GPS1: variants seen among roughly 807,000 people sequenced by gnomAD.
GPS1 encodes G protein pathway suppressor 1, also known as COP9 signalosome complex subunit 1.
GPS1 carries 11 observed loss-of-function variants against 60.0 expected under a neutral mutation model. That is an observed-to-expected ratio of 0.18 (90% confidence interval 0.12 to 0.30). The LOEUF (loss-of-function observed/expected upper bound fraction) is 0.30. Among genes scored for constraint, GPS1 ranks in the 10% least tolerant of loss-of-function variants. GPS1 has a pLI of 1.00. For missense variants in GPS1, 543 were observed against 669.2 expected, an observed-to-expected ratio of 0.81 and a Z score of 2.08; for synonymous variants, 343 against 269.8, an observed-to-expected ratio of 1.27 and a Z score of -2.66.
chr17:82,055,034 C>A, intron 5 of GPS1, 59 bp downstream of exon 5: 2 of 1,602,868 alleles, frequency 1.2e-6, no homozygotes, highest in Non-Finnish European at 1.7e-6. Context: ...GCTGGCCCCT[C>A]CTGTCCTCCC....
Position 82,054,590 on chromosome 17 carries a change from C to T in GPS1, c.389C>T (p.Thr130Met), listed in dbSNP as rs139982509. The change falls in exon 4 of 13, where the codon ACG (threonine) becomes ATG (methionine). Residue 130 changes from threonine (T) to methionine (M), a missense_variant. Physicochemically the swap from Thr to Met is moderately conservative, Grantham distance 81. Around this residue, in one of 3 missense-constraint regions of GPS1, gnomAD observed 181 missense variants for 188.8 expected, o/e 0.96. Coordinates refer to ENST00000578552, the MANE Select transcript of GPS1 (RefSeq NM_001321092.3). Reference protein sequence around the residue: ...PALDTAWVEATRKKALLKLEK... With the variant: ...PALDTAWVEAMRKKALLKLEK... The stretch of plus-strand genomic sequence containing the variant: ...CTGGACACGGCCTGGGTGGAGGCCA[C>T]GCGGAAGAAGGCGCTGCTGAAGCTG... 31 of 1,603,214 alleles carry T rather than the reference C, an allele frequency of 1.9e-5. No homozygotes were observed. Among genetic ancestry groups the T allele is most frequent in the Non-Finnish European group, 2.5e-5 (29 of 1,176,548 alleles).
chr17:82,053,169 C>A, intron 1 of GPS1, 105 bp from the exon 2 acceptor site: 1 of 877,116 alleles, frequency 1.1e-6, no homozygotes. Flanking sequence ...GTCCGACTGG[C>A]CTGGAAGATC....
chr17:82,053,625 G>A, intron 2 of GPS1: 1 of 551,808 alleles, frequency 1.8e-6, no homozygotes, highest in South Asian at 2.6e-5. Flanking sequence ...ACTAGTGGGT[G>A]TCTATCCCCG....
Position 82,055,225 on chromosome 17 carries a change from G to C in GPS1, c.748+3G>C. ...CACCAAGCTCAAGTGTGCCGCAGGTGAGGGCCTGGGTCACGCCCAGCTGAC... is the reference window on the plus strand; with the variant it reads ...CACCAAGCTCAAGTGTGCCGCAGGTCAGGGCCTGGGTCACGCCCAGCTGAC... On this transcript the variant is annotated splice_donor_region_variant and intron_variant, in intron 6 of 12. Coordinates refer to ENST00000578552, the MANE Select transcript of GPS1 (RefSeq NM_001321092.3). 1 of 1,552,336 alleles carries C rather than the reference G, an allele frequency of 6.4e-7. No individual in the cohort carries two copies.
At chr17:82,054,831 G>T (rs201830902) in intron 4 of GPS1, 21 bp downstream of exon 4, 2 of 1,578,688 alleles carry the variant, frequency 1.3e-6, no homozygotes, top group African/African-American at 2.7e-5. Flanking sequence ...CTCGGCGGGC[G>T]GGGGTGGGCA....
upstream of GPS1, chr17:82,051,797 G>T (rs1178575613): frequency 6.2e-6 from 7 of 1,125,886 alleles, no homozygotes; most frequent in Non-Finnish European, 6.5e-6. This position sits in a 1 kb window ranked among gnomAD's most constrained non-coding sequence, Gnocchi z 4.1. Context: ...CGCTGCGAGC[G>T]GAGAACCTGG....
At chr17:82,052,495 G>C (rs372303943) in intron 1 of GPS1, 145 of 1,595,930 alleles carry the variant, frequency 9.1e-5, no homozygotes, top group South Asian at 2.8e-4. Flanking sequence ...AGCGAGGGAG[G>C]GGGGAGCAGG....
intron 1 of GPS1, chr17:82,052,518 C>T (rs2031078444): frequency 1.9e-6 from 3 of 1,570,444 alleles, no homozygotes; most frequent in Middle Eastern, 4.2e-4. Context: ...CCCGGCCGCC[C>T]CTGCTGTGGC....
At chr17:82,056,446 G>A (rs2032792867) in intron 9 of GPS1, 24 bp from the exon 10 acceptor site, 1 of 1,613,028 alleles carries the variant, frequency 6.2e-7, no homozygotes, top group Non-Finnish European at 8.5e-7. Context: ...CTCCTGTCCT[G>A]GTCCTGACCA....
chr17:82,053,436 G>T, intron 2 of GPS1, 70 bp downstream of exon 2: 1 of 1,125,518 alleles, frequency 8.9e-7, no homozygotes. Flanking sequence ...ACTCCCCGCT[G>T]CAGCCTGCAC....
intron 5 of GPS1, 83 bp from the exon 6 acceptor site, chr17:82,055,079 C>T: frequency 6.4e-7 from 1 of 1,573,486 alleles, no homozygotes; most frequent in Non-Finnish European, 8.7e-7. Context: ...AATCTGCCTT[C>T]ATCCCCTCTC....
At position 82,056,274 on chromosome 17, in the gene GPS1, C is replaced by A; in HGVS notation, c.930-12C>A. The A allele has an allele frequency of 6.3e-7, 1 of 1,575,774 alleles. No individual in the cohort carries two copies. The highest frequency in any genetic ancestry group is 8.7e-7 in the Non-Finnish European group (1 of 1,146,102). ...GGCAGAGGACAGAGTTCTGAGGGGTCTGCCTCACCAGCTCCTTCAAGTTGT... is the reference window on the plus strand; with the variant it reads ...GGCAGAGGACAGAGTTCTGAGGGGTATGCCTCACCAGCTCCTTCAAGTTGT... On this transcript the variant is annotated splice_polypyrimidine_tract_variant and intron_variant, in intron 8 of 12. Coordinates refer to ENST00000578552, the MANE Select transcript of GPS1 (RefSeq NM_001321092.3).
rs2144682611 is a variant in GPS1 at position 82,057,345 on chromosome 17, C to G, written c.*218C>G. ...CTGCAGGGCTCGACCCTGTGGGTTT[C>G]TGTCCCCAGGGAGCAGACTGTGCGG... On this transcript the variant is annotated 3_prime_UTR_variant, in exon 13 of 13. Coordinates refer to ENST00000578552, the MANE Select transcript of GPS1 (RefSeq NM_001321092.3). 1 of 722,300 alleles carries G rather than the reference C, an allele frequency of 1.4e-6. No homozygotes were observed. Among genetic ancestry groups the G allele is most frequent in the Middle Eastern group, 2.3e-4 (1 of 4,414 alleles). The allele number at this position is 722,300 out of a possible 1,614,324, so 44.7% of individuals were successfully genotyped here. A position where few individuals can be genotyped will look rare whatever the true frequency, so the allele number is the denominator to read the frequency against.
intron 8 of GPS1, 95 bp from the exon 9 acceptor site, chr17:82,056,191 T>G (rs2032699799): frequency 7.3e-7 from 1 of 1,367,696 alleles, no homozygotes; most frequent in Non-Finnish European, 1.0e-6. Flanking sequence ...GGCCCCAGCG[T>G]TTTCTCAGGT....
chr17:82,052,971 T>G, intron 1 of GPS1: 1 of 269,594 alleles, frequency 3.7e-6, no homozygotes, highest in East Asian at 7.2e-5. Flanking sequence ...GGCCCCTGTG[T>G]AGTTGGTTGT....
intron 1 of GPS1, 34 bp from the exon 2 acceptor site, chr17:82,053,240 G>A: frequency 6.6e-7 from 1 of 1,509,168 alleles, no homozygotes; most frequent in Non-Finnish European, 8.8e-7. Flanking sequence ...GCAGTCCCCA[G>A]GACGAGGTGC....
Position 82,054,826 on chromosome 17 carries a change from C to A in GPS1, c.609+16C>A. On this transcript the variant is annotated intron_variant, in intron 4 of 12. Coordinates refer to ENST00000578552, the MANE Select transcript of GPS1 (RefSeq NM_001321092.3). ...TGTCATCAAGGTCGGCCTGCCTCGG[C>A]GGGCGGGGGTGGGCAGCATGGCTGG... The A allele has an allele frequency of 6.3e-7, 1 of 1,580,738 alleles. No homozygotes were observed. The highest frequency in any genetic ancestry group is 8.6e-7 in the Non-Finnish European group (1 of 1,161,724).
upstream of GPS1, chr17:82,051,847 G>GCGGCC: frequency 5.2e-6 from 6 of 1,144,198 alleles, no homozygotes; most frequent in Middle Eastern, 3.6e-4. The surrounding 1 kb of genome is among the most constrained non-coding windows in gnomAD (Gnocchi z 4.1). Context: ...TAAGAACGCA[G>GCGGCC]CGGCCCCGCC....
intron 1 of GPS1, chr17:82,052,397 C>T: frequency 1.9e-6 from 3 of 1,611,866 alleles, no homozygotes; most frequent in Non-Finnish European, 2.5e-6. Flanking sequence ...CCTCGTCCTG[C>T]CCGGCACGGC....
Sources: gnomAD v4.1 joint callset for allele counts on GRCh38, gnomAD v4.1.1 for gene constraint, gnomAD v4.1.1 regional missense constraint, Gnocchi (gnomAD v3.1) non-coding constraint, MANE v1.5 for transcripts, NCBI Gene and HGNC (gene_info 2026-07-23, HGNC 2026-07-21) for gene names.